Variants in CAMK1D observed in about 807,000 individuals in gnomAD.
The protein encoded by CAMK1D is calcium/calmodulin dependent protein kinase ID, also known as calcium/calmodulin-dependent protein kinase type 1D.
Under a neutral mutation model 47.7 loss-of-function variants are expected in CAMK1D, and 9 were observed. The ratio of observed to expected loss-of-function variants is 0.19; its 90% CI spans 0.11 to 0.33. The LOEUF (loss-of-function observed/expected upper bound fraction) is 0.33, where lower values mean the gene tolerates loss of function less well. Among genes scored for constraint, CAMK1D ranks in the 10% least tolerant of loss-of-function variants. The pLI is 1.00. For synonymous variants in CAMK1D, 184 were observed against 184.9 expected (o/e 0.99, Z 0.04); for missense variants, 291 against 488.7 (o/e 0.60, Z 3.81).
intron 1 of CAMK1D, among the ~76,000 whole-genome samples, chr10:12,386,440 T>C (rs1838497243): frequency 6.7e-6 from 1 of 148,778 alleles, no homozygotes; most frequent in African/African-American, 2.5e-5. Context: ...ACAAACTCTG[T>C]CTCAAAAAAA....
intron 2 of CAMK1D, among the ~76,000 whole-genome samples, chr10:12,611,665 C>T (rs1379342323): frequency 7.3e-6 from 1 of 136,180 alleles, no homozygotes; most frequent in Admixed American, 8.8e-5. Context: ...AATCTCGGCT[C>T]ACTGCAACCT....
intron 5 of CAMK1D, among the ~76,000 whole-genome samples, chr10:12,788,581 G>A (rs918403752): frequency 2.0e-5 from 3 of 152,242 alleles, no homozygotes; most frequent in Non-Finnish European, 2.9e-5. Context: ...GCCCCGGATG[G>A]TCCTTGTGGA....
intron 1 of CAMK1D, among the ~76,000 whole-genome samples, chr10:12,441,207 T>C (rs1832774919): frequency 6.6e-6 from 1 of 152,232 alleles, no homozygotes; most frequent in Non-Finnish European, 1.5e-5. Context: ...ATTTTTGTTT[T>C]CTTTCGGAGA....
chr10:12,701,184 C>T (rs1833504122), intron 3 of CAMK1D, among the ~76,000 whole-genome samples: 1 of 151,376 alleles, frequency 6.6e-6, no homozygotes, highest in Non-Finnish European at 1.5e-5. Context: ...GTGATCTCAG[C>T]TCACTGCAAC....
At chr10:12,668,705 A>T (rs1840511215) in intron 3 of CAMK1D, among the ~76,000 whole-genome samples, 1 of 152,200 alleles carries the variant, frequency 6.6e-6, no homozygotes, top group South Asian at 2.1e-4. Flanking sequence ...GATAAAGTTC[A>T]AGTCGATTTA....
intron 3 of CAMK1D, among the ~76,000 whole-genome samples, chr10:12,723,533 G>T (rs916144351): frequency 2.6e-5 from 4 of 152,148 alleles, no homozygotes; most frequent in East Asian, 3.8e-4. Context: ...TACAGGAATT[G>T]CAATATGGTA....
intron 3 of CAMK1D, among the ~76,000 whole-genome samples, chr10:12,705,289 C>T (rs1459551141): frequency 6.6e-6 from 1 of 151,924 alleles, no homozygotes; most frequent in Non-Finnish European, 1.5e-5. Flanking sequence ...GGTGGAACCT[C>T]GTCTCTACTA....
At chr10:12,649,432 T>C (rs1839900318) in intron 2 of CAMK1D, among the ~76,000 whole-genome samples, 1 of 152,246 alleles carries the variant, frequency 6.6e-6, no homozygotes, top group South Asian at 2.1e-4. Context: ...TGGTCCCCTC[T>C]GCGTCCACGG....
At chr10:12,822,678 C>T (rs968667630) in intron 8 of CAMK1D, among the ~76,000 whole-genome samples, 3 of 152,184 alleles carry the variant, frequency 2.0e-5, no homozygotes, top group East Asian at 3.8e-4. Flanking sequence ...AAGAGCTGGC[C>T]GCTGCAAGCT....
intron 1 of CAMK1D, among the ~76,000 whole-genome samples, chr10:12,357,695 T>C (rs1462380374): frequency 6.6e-6 from 1 of 152,160 alleles, no homozygotes; most frequent in Admixed American, 6.6e-5. Flanking sequence ...GGACCCACGT[T>C]ATTTTCCTGA....
intron 5 of CAMK1D, among the ~76,000 whole-genome samples, chr10:12,773,174 C>T (rs531343130): frequency 1.4e-4 from 21 of 152,308 alleles, no homozygotes; most frequent in Middle Eastern, 3.4e-3. Flanking sequence ...CAGACACTTA[C>T]TGAATTTAGT....
At chr10:12,630,516 A>G (rs781048071) in intron 2 of CAMK1D, among the ~76,000 whole-genome samples, 3 of 151,976 alleles carry the variant, frequency 2.0e-5, no homozygotes, top group African/African-American at 7.3e-5. Context: ...AGCTGGGACT[A>G]TAGGCACTCA....
At chr10:12,650,859 A>C (rs560642002) in intron 2 of CAMK1D, among the ~76,000 whole-genome samples, 2 of 152,344 alleles carry the variant, frequency 1.3e-5, no homozygotes, top group East Asian at 3.9e-4. Context: ...AAGAGAGAGG[A>C]AAAAGGATGC....
chr10:12,436,695 G>T (rs1463820576), intron 1 of CAMK1D, among the ~76,000 whole-genome samples: 4 of 152,196 alleles, frequency 2.6e-5, no homozygotes, highest in Non-Finnish European at 1.5e-5. Flanking sequence ...GGGGGCATCT[G>T]TGTGGGCATG....
chr10:12,769,570 G>T, intron 4 of CAMK1D, 103 bp from the exon 5 acceptor site: 1 of 1,323,378 alleles, frequency 7.6e-7, no homozygotes. Context: ...AAAGGTCAAG[G>T]ACGTCCTGAC....
chr10:12,661,391 C>A (rs1294222109), intron 2 of CAMK1D, among the ~76,000 whole-genome samples: 1 of 152,148 alleles, frequency 6.6e-6, no homozygotes, highest in Admixed American at 6.5e-5. Context: ...TCAGCAATGA[C>A]AATTATGAGT....
chr10:12,710,539 C>T (rs969446254), intron 3 of CAMK1D, among the ~76,000 whole-genome samples: 4 of 152,206 alleles, frequency 2.6e-5, no homozygotes, highest in Non-Finnish European at 5.9e-5. Context: ...GCCCTCTTGA[C>T]AGTGGCTTGA....
intron 1 of CAMK1D, among the ~76,000 whole-genome samples, chr10:12,393,067 T>C (rs1838800359): frequency 6.6e-6 from 1 of 151,786 alleles, no homozygotes; most frequent in Admixed American, 6.6e-5. Context: ...AGTTTTGCTC[T>C]GTTGCCCAGG....
intron 1 of CAMK1D, among the ~76,000 whole-genome samples, chr10:12,546,693 A>G (rs921892519): frequency 1.3e-5 from 2 of 152,154 alleles, no homozygotes; most frequent in East Asian, 1.9e-4. Context: ...CATCATTCTC[A>G]GCAAACTATC....
Sources: gnomAD v4.1 joint callset for allele counts (sites outside exome capture counted in the v4.1 genomes callset) on GRCh38, gnomAD v4.1.1 for gene constraint, MANE v1.5 for transcripts, NCBI Gene and HGNC (gene_info 2026-07-23, HGNC 2026-07-21) for gene names.